The following AGBL4 variants were observed in gnomAD, a reference collection of about 807,000 sequenced individuals.
The protein encoded by AGBL4 is AGBL carboxypeptidase 4.
In AGBL4, 58 loss-of-function variants were observed where a neutral mutation model predicts 66.4. That is an observed-to-expected ratio of 0.87 (90% confidence interval 0.71 to 1.09). The LOEUF (loss-of-function observed/expected upper bound fraction) is 1.09, where lower values mean the gene tolerates loss of function less well. AGBL4 is among the 50% of genes least tolerant of loss of function. The probability of loss-of-function intolerance (pLI) is 0.00; values close to 1 mark genes in which losing one functional copy is unlikely to be tolerated. For missense variants in AGBL4, 579 were observed against 631.0 expected, an observed-to-expected ratio of 0.92 and a Z score of 0.88; for synonymous variants, 234 against 222.9, an observed-to-expected ratio of 1.05 and a Z score of -0.44.
chr1:49,899,233 G>A (rs1649526131), intron 1 of AGBL4, among the ~76,000 whole-genome samples: 1 of 151,696 alleles, frequency 6.6e-6, no homozygotes, highest in African/African-American at 2.4e-5. Context: ...AATATCTCAT[G>A]TGACCTATAA....
intron 3 of AGBL4, among the ~76,000 whole-genome samples, chr1:49,271,003 C>T (rs775849244): frequency 3.3e-5 from 5 of 152,090 alleles, no homozygotes; most frequent in Non-Finnish European, 7.4e-5. Flanking sequence ...CTGTGGGTTT[C>T]CTATGGGATT....
intron 2 of AGBL4, among the ~76,000 whole-genome samples, 156 bp from the exon 3 acceptor site, chr1:49,697,593 T>G (rs1174413755): frequency 6.6e-6 from 1 of 152,180 alleles, no homozygotes; most frequent in Non-Finnish European, 1.5e-5. Context: ...CAAGTCTGAA[T>G]GCAGCCCAGA....
At chr1:48,796,125 C>T (rs1338593896) in intron 6 of AGBL4, among the ~76,000 whole-genome samples, 28 of 152,158 alleles carry the variant, frequency 1.8e-4, no homozygotes, top group Non-Finnish European at 2.9e-5. Context: ...TAACATTTTC[C>T]CCTAATACCA....
chr1:49,253,304 A>G (rs192390498), intron 3 of AGBL4, among the ~76,000 whole-genome samples: 220 of 152,308 alleles, frequency 1.4e-3, no homozygotes, highest in Non-Finnish European at 2.6e-3. Context: ...CCAAAATGAC[A>G]AAGAAGGGCA....
intron 1 of AGBL4, among the ~76,000 whole-genome samples, chr1:49,890,943 T>C (rs930905077): frequency 6.6e-6 from 1 of 152,104 alleles, no homozygotes; most frequent in Non-Finnish European, 1.5e-5. Context: ...TGCACATTAA[T>C]ACAAATATAA....
At chr1:48,641,429 A>T (rs1056266687) in intron 8 of AGBL4, among the ~76,000 whole-genome samples, 2 of 152,156 alleles carry the variant, frequency 1.3e-5, no homozygotes, top group Non-Finnish European at 2.9e-5. Context: ...TTCTCCTCAC[A>T]TCCCTTCTTA....
At chr1:49,974,450 A>C (rs1658396605) in intron 1 of AGBL4, among the ~76,000 whole-genome samples, 1 of 152,178 alleles carries the variant, frequency 6.6e-6, no homozygotes, top group Non-Finnish European at 1.5e-5. Flanking sequence ...TTAAAGGAAT[A>C]GATTTCAGAA....
At chr1:48,722,448 C>T (rs918910167) in intron 6 of AGBL4, among the ~76,000 whole-genome samples, 2 of 151,964 alleles carry the variant, frequency 1.3e-5, no homozygotes, top group African/African-American at 4.8e-5. Context: ...AGTGGCAGGT[C>T]AGTATGACTA....
chr1:48,662,402 A>G (rs776301167), intron 7 of AGBL4, among the ~76,000 whole-genome samples: 22 of 152,288 alleles, frequency 1.4e-4, no homozygotes, highest in Admixed American at 2.6e-4. Context: ...AGAGGCTTCC[A>G]CTGCAGTGTG....
At chr1:48,921,724 C>T (rs1268693509) in intron 5 of AGBL4, among the ~76,000 whole-genome samples, 2 of 152,108 alleles carry the variant, frequency 1.3e-5, no homozygotes, top group Non-Finnish European at 1.5e-5. Context: ...GATGGAGCCT[C>T]AAGGAGGTAA....
At chr1:49,877,578 T>C (rs1557539042) in intron 1 of AGBL4, among the ~76,000 whole-genome samples, 2 of 152,036 alleles carry the variant, frequency 1.3e-5, no homozygotes, top group African/African-American at 2.4e-5. Context: ...TTATTGAGGA[T>C]TTTTGCATCG....
chr1:49,021,737 GT>G (rs1663269294), intron 5 of AGBL4, among the ~76,000 whole-genome samples: 2 of 152,144 alleles, frequency 1.3e-5, no homozygotes, highest in South Asian at 4.1e-4. Context: ...GTTCCTTTTT[GT>G]TGACATTCAA....
At chr1:49,756,504 A>G (rs1232692693) in intron 2 of AGBL4, among the ~76,000 whole-genome samples, 2 of 152,240 alleles carry the variant, frequency 1.3e-5, no homozygotes, top group Admixed American at 6.5e-5. Flanking sequence ...AATGCTAAAT[A>G]AAATGACTGA....
intron 3 of AGBL4, among the ~76,000 whole-genome samples, chr1:49,565,570 T>C (rs1644174489): frequency 6.6e-6 from 1 of 152,162 alleles, no homozygotes; most frequent in African/African-American, 2.4e-5. Context: ...TGAAGCTTAG[T>C]TTGGCTGGAT....
chr1:49,741,059 C>T (rs1650407527), intron 2 of AGBL4, among the ~76,000 whole-genome samples: 1 of 148,980 alleles, frequency 6.7e-6, no homozygotes, highest in Non-Finnish European at 1.5e-5. Context: ...CAGAGCAGAA[C>T]TGAAGTAGAT....
chr1:49,758,980 G>A (rs1652105338), intron 2 of AGBL4, among the ~76,000 whole-genome samples: 1 of 152,140 alleles, frequency 6.6e-6, no homozygotes. Context: ...CTGGTGAGAG[G>A]TGATTGGATC....
intron 3 of AGBL4, among the ~76,000 whole-genome samples, chr1:49,544,865 C>T (rs1273299931): frequency 6.6e-6 from 1 of 152,236 alleles, no homozygotes; most frequent in Non-Finnish European, 1.5e-5. Context: ...CACAGAGGTT[C>T]TCTTGAGAGA....
intron 1 of AGBL4, among the ~76,000 whole-genome samples, chr1:49,989,550 A>G (rs182264575): frequency 6.6e-6 from 1 of 152,210 alleles, no homozygotes; most frequent in South Asian, 2.1e-4. Flanking sequence ...TACATGAAGA[A>G]AGAGCAGATA....
chr1:48,955,615 T>A (rs1657386047), intron 5 of AGBL4, among the ~76,000 whole-genome samples: 1 of 152,154 alleles, frequency 6.6e-6, no homozygotes, highest in African/African-American at 2.4e-5. Context: ...ACTCCTAGCC[T>A]CAAGTAATCC....
Sources: allele counts gnomAD v4.1 joint callset (sites outside exome capture counted in the v4.1 genomes callset), GRCh38; gene constraint gnomAD v4.1.1; transcripts MANE v1.5; gene names NCBI Gene and HGNC (gene_info 2026-07-23, HGNC 2026-07-21).